The following DMD variants were observed in gnomAD, a reference collection of about 807,000 sequenced individuals.
DMD encodes mutant dystrophin.
DMD carries 63 observed loss-of-function variants against 330.1 expected under a neutral mutation model. The ratio of observed to expected loss-of-function variants is 0.19; its 90% CI spans 0.16 to 0.24. The LOEUF is 0.24. Ranked by LOEUF, DMD falls within the 10% of genes least tolerant of loss-of-function variation. DMD has a pLI of 1.00. For missense variants in DMD, 3,344 were observed against 2,684.1 expected (o/e 1.25, Z -5.43); for synonymous variants, 1,223 against 959.8 (o/e 1.27, Z -5.07).
chrX:32,582,575 A>G (rs778352567), intron 13 of DMD, among the ~76,000 whole-genome samples: 55 of 111,966 alleles, frequency 4.9e-4, no homozygotes, highest in Non-Finnish European at 9.0e-4. Flanking sequence ...GATGAAATCC[A>G]ATTAAAACCA....
chrX:31,255,769 CTTTTTT>C (rs146884145), intron 63 of DMD, among the ~76,000 whole-genome samples: 1 of 50,832 alleles, frequency 2.0e-5, no homozygotes, highest in Admixed American at 2.6e-4. Flanking sequence ...AATATCGTTA[CTTTTTT>C]TTTTTTTTTT....
chrX:31,768,549 T>C (rs1202118596), intron 51 of DMD, among the ~76,000 whole-genome samples: 1 of 109,663 alleles, frequency 9.1e-6, no homozygotes, highest in Non-Finnish European at 1.9e-5. Context: ...CTTCCTTTCC[T>C]TAAGGGTCAG....
intron 29 of DMD, among the ~76,000 whole-genome samples, chrX:32,437,221 A>G (rs1336192064): frequency 8.9e-6 from 1 of 111,949 alleles, no homozygotes; most frequent in African/African-American, 3.2e-5. Flanking sequence ...CCAATCCCCA[A>G]TTCCTTATGT....
chrX:31,748,259 A>T (rs997304416), intron 51 of DMD, among the ~76,000 whole-genome samples: 1 of 112,140 alleles, frequency 8.9e-6, no homozygotes, highest in Non-Finnish European at 1.9e-5. Context: ...TTTGGTTCAC[A>T]AAGGAATGCT....
At chrX:32,922,253 A>G (rs1326332510) in intron 2 of DMD, among the ~76,000 whole-genome samples, 1 of 110,493 alleles carries the variant, frequency 9.1e-6, no homozygotes, top group Non-Finnish European at 1.9e-5. Context: ...AATTTCCTTC[A>G]ATGTATACTC....
intron 37 of DMD, among the ~76,000 whole-genome samples, chrX:32,360,824 T>TAATAATAAC (rs2097830198): frequency 9.3e-6 from 1 of 108,023 alleles, no homozygotes; most frequent in Admixed American, 1.0e-4. Context: ...ATAATAATAA[T>TAATAATAAC]AATAAATGAA....
intron 67 of DMD, among the ~76,000 whole-genome samples, chrX:31,191,732 C>T (rs993360430): frequency 5.4e-5 from 6 of 111,899 alleles, no homozygotes; most frequent in Non-Finnish European, 1.1e-4. Context: ...TGCCCCATCT[C>T]AGGTATGTCT....
intron 1 of DMD, among the ~76,000 whole-genome samples, chrX:33,246,683 T>C (rs1273062425): frequency 1.8e-5 from 2 of 110,099 alleles, no homozygotes; most frequent in Non-Finnish European, 3.8e-5. Flanking sequence ...TGCTTGTTTG[T>C]TTGTTTTGTT....
intron 9 of DMD, among the ~76,000 whole-genome samples, chrX:32,664,460 C>G (rs2061171375): frequency 9.1e-6 from 1 of 110,006 alleles, no homozygotes; most frequent in African/African-American, 3.3e-5. Context: ...CCAGGATGGT[C>G]TCGATCTCCT....
At chrX:32,410,658 C>T (rs1348789458) in intron 30 of DMD, among the ~76,000 whole-genome samples, 1 of 111,614 alleles carries the variant, frequency 9.0e-6, no homozygotes, top group East Asian at 2.8e-4. Flanking sequence ...TGATTGGGTT[C>T]ACAACATGTA....
At chrX:32,934,161 A>T (rs1026427261) in intron 2 of DMD, among the ~76,000 whole-genome samples, 2 of 111,866 alleles carry the variant, frequency 1.8e-5, no homozygotes, top group African/African-American at 6.5e-5. Flanking sequence ...AGTTTCAGTA[A>T]AACTAATGAA....
Position 32,978,350 on chromosome X carries a change from T to G in DMD, c.93+41789A>C, listed in dbSNP as rs997682737. Among the ~76,000 whole-genome samples, 4 of 112,636 alleles carry G rather than the reference T, an allele frequency of 3.6e-5. No homozygotes were observed. The South Asian group carries it at 1.5e-3, about 41-fold the overall frequency. On this transcript the variant is annotated intron_variant, in intron 2 of 78. Transcript: ENST00000357033. ...AGAGAAATGCCTTATCTTTTCAGAT[T>G]TATATTAAATATTTTCCAATTCTAT...
At chrX:31,266,201 T>C (rs1198893825) in intron 62 of DMD, among the ~76,000 whole-genome samples, 7 of 46,751 alleles carry the variant, frequency 1.5e-4, no homozygotes, top group African/African-American at 5.8e-4. Flanking sequence ...CAAACAAAAA[T>C]CCCCACCCCC....
chrX:31,683,045 T>C (rs1361776426), intron 52 of DMD, among the ~76,000 whole-genome samples: 4 of 112,160 alleles, frequency 3.6e-5, no homozygotes, highest in Non-Finnish European at 7.5e-5. Context: ...AGCAAAAAAG[T>C]GGTCATATGT....
At chrX:32,729,576 T>C (rs185337536) in intron 7 of DMD, among the ~76,000 whole-genome samples, 1 of 111,933 alleles carries the variant, frequency 8.9e-6, no homozygotes, top group Admixed American at 9.5e-5. Flanking sequence ...CCAATCTATC[T>C]TTAACATTTC....
At chrX:32,747,192 C>T (rs778726644) in intron 7 of DMD, among the ~76,000 whole-genome samples, 3 of 112,452 alleles carry the variant, frequency 2.7e-5, no homozygotes, top group Admixed American at 9.4e-5. Flanking sequence ...TTGAGAACCT[C>T]TAATTTGCGC....
At chrX:31,265,371 G>GT (rs1192824199) in intron 62 of DMD, among the ~76,000 whole-genome samples, 2 of 111,600 alleles carry the variant, frequency 1.8e-5, no homozygotes, top group African/African-American at 6.5e-5. Flanking sequence ...CAGGGGTTTG[G>GT]AGGGGTGGGC....
At chrX:31,478,582 A>C (rs911731924) in intron 58 of DMD, among the ~76,000 whole-genome samples, 15 of 111,771 alleles carry the variant, frequency 1.3e-4, no homozygotes, top group African/African-American at 4.9e-4. Context: ...TCAATCCGAC[A>C]ATTTAAGATT....
At chrX:32,316,981 A>C (rs760994802) in intron 41 of DMD, among the ~76,000 whole-genome samples, 6 of 111,286 alleles carry the variant, frequency 5.4e-5, no homozygotes, top group Non-Finnish European at 9.5e-5. Flanking sequence ...TTTATGCAAA[A>C]TCCAGGTACT....
Sources: gnomAD v4.1 joint callset for allele counts (sites outside exome capture counted in the v4.1 genomes callset) on GRCh38, gnomAD v4.1.1 for gene constraint, MANE v1.5 for transcripts, NCBI Gene and HGNC (gene_info 2026-07-23, HGNC 2026-07-21) for gene names.